The following RELCH variants were observed in gnomAD, a reference collection of about 807,000 sequenced individuals.
RELCH encodes the protein RAB11 binding and LisH domain, coiled-coil and HEAT repeat containing.
In RELCH, 41 loss-of-function variants were observed where a neutral mutation model predicts 150.3. That is an observed-to-expected ratio of 0.27 (90% CI 0.21 to 0.35). The LOEUF (loss-of-function observed/expected upper bound fraction) is 0.35, where lower values mean the gene tolerates loss of function less well. RELCH is among the 10% of genes least tolerant of loss of function. The pLI is 1.00. For missense variants in RELCH, 1,092 were observed against 1,467.8 expected, an observed-to-expected ratio of 0.74 and a Z score of 4.18; for synonymous variants, 478 against 531.8, an observed-to-expected ratio of 0.90 and a Z score of 1.39.
intron 1 of RELCH, among the ~76,000 whole-genome samples, chr18:62,200,808 T>C (rs2039380987): frequency 6.6e-6 from 1 of 152,028 alleles, no homozygotes; most frequent in Non-Finnish European, 1.5e-5. Context: ...AAAGAAACTT[T>C]TCATTAGTAT....
chr18:62,238,317 A>G (rs1172721940), intron 10 of RELCH, among the ~76,000 whole-genome samples: 2 of 151,884 alleles, frequency 1.3e-5, no homozygotes, highest in Admixed American at 6.6e-5. Context: ...TAAAAGATGG[A>G]CTGATTTTTT....
chr18:62,289,442 C>G (rs576860183), intron 26 of RELCH, among the ~76,000 whole-genome samples: 1 of 151,978 alleles, frequency 6.6e-6, no homozygotes, highest in East Asian at 1.9e-4. Flanking sequence ...AATAATAAGT[C>G]GAGAAGTCAT....
intron 10 of RELCH, among the ~76,000 whole-genome samples, chr18:62,237,677 A>G (rs934799271): frequency 2.0e-5 from 3 of 151,846 alleles, no homozygotes; most frequent in Admixed American, 1.3e-4. Context: ...GTTTTACAAA[A>G]CATAAAGTAA....
intron 27 of RELCH, among the ~76,000 whole-genome samples, chr18:62,298,099 C>CCG (rs1555760138): frequency 6.6e-6 from 1 of 151,376 alleles, no homozygotes; most frequent in African/African-American, 2.4e-5. Context: ...TTTATCCCCC[C>CCG]CCGTCTAAAA....
intron 28 of RELCH, among the ~76,000 whole-genome samples, chr18:62,299,572 G>C (rs1477275942): frequency 1.3e-5 from 2 of 152,042 alleles, no homozygotes; most frequent in East Asian, 1.9e-4. Flanking sequence ...ATATATCTTT[G>C]ATGTGTTAGA....
intron 2 of RELCH, among the ~76,000 whole-genome samples, chr18:62,219,159 A>C (rs2040673038): frequency 6.6e-6 from 1 of 151,750 alleles, no homozygotes; most frequent in South Asian, 2.1e-4. Context: ...GGCAATATAT[A>C]TGTAGATGTG....
Position 62,264,113 on chromosome 18 carries a change from C to A in RELCH, c.2475C>A (p.Gly825=). 6.2e-7 allele frequency: 1 copy of A among 1,602,202 alleles called. No homozygotes were observed. Among genetic ancestry groups the A allele is most frequent in the Non-Finnish European group, 8.5e-7 (1 of 1,175,466 alleles). Residue 825 remains glycine, a synonymous_variant, in exon 17 of 29, where the codon GGC becomes GGA. Transcript: ENST00000644646. ...AGCTAGAACAAGAGGGTACAACAGG[C>A]TGGGAGAGTTTACTGTGGGTTGTCA... is the stretch of plus-strand genomic sequence containing the variant. ...DYQLEQEGTT[G]WESLLWVVNQ...
At chr18:62,266,890 T>C (rs1398355920) in intron 19 of RELCH, 141 bp downstream of exon 19, 1 of 563,668 alleles carries the variant, frequency 1.8e-6, no homozygotes, top group South Asian at 2.4e-5. Context: ...GAGTTCTTGG[T>C]TTTATAACTG....
chr18:62,190,123 T>A (rs2038512848), intron 1 of RELCH, among the ~76,000 whole-genome samples: 2 of 152,224 alleles, frequency 1.3e-5, no homozygotes, highest in African/African-American at 4.8e-5. Context: ...TGCATGTGTT[T>A]TAAAAAACAA....
chr18:62,187,756 GC>G lies in RELCH; in HGVS notation c.252del (p.Thr85ProfsTer24). The G allele has an allele frequency of 1.2e-6, 2 of 1,611,524 alleles. No individual in the cohort carries two copies. The highest frequency in any genetic ancestry group is 1.7e-6 in the Non-Finnish European group (2 of 1,178,816). On this transcript the variant is annotated frameshift_variant, in exon 1 of 29. Coordinates refer to ENST00000644646, the MANE Select transcript of RELCH (RefSeq NM_001346231.2). LOFTEE classifies it high-confidence loss of function. ...TCGGCGGCTGCAGTGGCCCTGGGGG[GC>G]ACCGGGGAGACCCCGGCCCGATTAT... Reference protein sequence around the residue: ...EASAAAVALGGTGETPARLSI... With the variant: ...EASAAAVALGXTGETPARLSI...
In RELCH at chr18:62,252,293, C is replaced by T. The variant is rs755551535; in HGVS notation, c.1734-371C>T. 3.8e-4 allele frequency among the ~76,000 whole-genome samples: 58 copies of T among 151,730 alleles called. 2 individuals carry two copies. Among genetic ancestry groups the T allele is most frequent in the Non-Finnish European group, 2.8e-4 (19 of 67,942 alleles). On this transcript the variant is annotated intron_variant, in intron 11 of 28. Transcript: ENST00000644646. ...GGATTACAGGCGTGAGCTACTGCACCGGGCCAAAAGGTCTAATTTTTCAAA... is the reference window on the plus strand; with the variant it reads ...GGATTACAGGCGTGAGCTACTGCACTGGGCCAAAAGGTCTAATTTTTCAAA...
At chr18:62,192,716 GAA>G (rs2038738559) in intron 1 of RELCH, among the ~76,000 whole-genome samples, 1 of 152,064 alleles carries the variant, frequency 6.6e-6, no homozygotes, top group African/African-American at 2.4e-5. Context: ...TCTTATTTCT[GAA>G]TGCTCTCTTC....
intron 13 of RELCH, among the ~76,000 whole-genome samples, chr18:62,256,090 C>T (rs1243677276): frequency 6.6e-6 from 1 of 151,968 alleles, no homozygotes; most frequent in Non-Finnish European, 1.5e-5. Flanking sequence ...AAACCCTTTG[C>T]TGCATACTGA....
intron 22 of RELCH, chr18:62,277,974 C>T: frequency 2.9e-6 from 1 of 341,544 alleles, no homozygotes; most frequent in Non-Finnish European, 4.2e-6. Flanking sequence ...GCAACTTAGA[C>T]TTGGACAAGT....
In RELCH at chr18:62,223,144, A is replaced by G. The variant is rs142313656; in HGVS notation, c.858+1647A>G. Among the ~76,000 whole-genome samples, 12 of 152,108 alleles carry G rather than the reference A, an allele frequency of 7.9e-5. No individual in the cohort carries two copies. The East Asian group carries it at 1.9e-3, about 25-fold the overall frequency. On this transcript the variant is annotated intron_variant, in intron 5 of 28. Coordinates refer to ENST00000644646, the MANE Select transcript of RELCH (RefSeq NM_001346231.2). ...ATGATAAAGATGATAGCATAAGTCA[A>G]TGACACAGGCAGCAGAAAACAATAG... is the stretch of plus-strand genomic sequence containing the variant.
intron 10 of RELCH, among the ~76,000 whole-genome samples, chr18:62,240,208 G>A (rs1023044788): frequency 3.3e-5 from 5 of 151,840 alleles, no homozygotes; most frequent in Admixed American, 3.3e-4. Flanking sequence ...CTTTGGAACA[G>A]ATATTTTTAT....
At chr18:62,280,242 G>C in intron 23 of RELCH, 1 of 766,634 alleles carries the variant, frequency 1.3e-6, no homozygotes, top group Non-Finnish European at 2.3e-6. Flanking sequence ...AATGTCTCGT[G>C]TGGATGACTA....
intron 28 of RELCH, chr18:62,300,421 A>C (rs1330738953): frequency 6.6e-6 from 1 of 152,188 alleles, no homozygotes; most frequent in Non-Finnish European, 1.5e-5. Flanking sequence ...CCTTCCTCTG[A>C]AGTCTATTGT....
chr18:62,252,215 G>A (rs1240628775), intron 11 of RELCH, among the ~76,000 whole-genome samples: 2 of 150,410 alleles, frequency 1.3e-5, no homozygotes, highest in Admixed American at 1.3e-4. Context: ...TGGCCAGGGC[G>A]GTCTCTATCT....
Sources: allele counts gnomAD v4.1 joint callset (sites outside exome capture counted in the v4.1 genomes callset), GRCh38; gene constraint gnomAD v4.1.1; transcripts MANE v1.5; gene names NCBI Gene and HGNC (gene_info 2026-07-23, HGNC 2026-07-21).